MDGA2: variants seen among roughly 807,000 people sequenced by gnomAD.
MDGA2 encodes MAM domain-containing glycosylphosphatidylinositol anchor protein 2.
MDGA2 carries 40 observed loss-of-function variants against 117.8 expected under a neutral mutation model. That is an observed-to-expected ratio of 0.34 (90% CI 0.26 to 0.44). The LOEUF is 0.44. MDGA2 is among the 20% of genes least tolerant of loss of function. The pLI, the probability that MDGA2 is intolerant of heterozygous loss-of-function variation, is 1.00. For synonymous variants in MDGA2, 452 were observed against 439.0 expected (o/e 1.03, Z -0.37); for missense variants, 1,123 against 1,250.6 (o/e 0.90, Z 1.54).
In MDGA2 at chr14:46,962,669, T is replaced by C. The variant is rs144068996; in HGVS notation, c.1820-5026A>G. On this transcript the variant is annotated intron_variant, in intron 8 of 16. Transcript: ENST00000399232. ...TTGTTTACATTGGAGAGATTTTACA[T>C]AATATTTTGTCTATTACATGCCTAG... 3.9e-3 allele frequency among the ~76,000 whole-genome samples: 590 copies of C among 152,318 alleles called. 7 individuals are homozygous for C. Among genetic ancestry groups the C allele is most frequent in the African/African-American group, 0.014 (577 of 41,554 alleles).
intron 8 of MDGA2, among the ~76,000 whole-genome samples, chr14:47,005,583 G>C (rs1887681195): frequency 6.6e-6 from 1 of 151,326 alleles, no homozygotes; most frequent in African/African-American, 2.4e-5. Context: ...TTACATTCTT[G>C]TATGGTTATT....
chr14:47,432,278 TA>T (rs1348045045), intron 1 of MDGA2, among the ~76,000 whole-genome samples: 1 of 152,118 alleles, frequency 6.6e-6, no homozygotes, highest in Non-Finnish European at 1.5e-5. Context: ...ATTACTGAAT[TA>T]ATGTCCACTT....
chr14:47,415,035 T>C (rs1272683418), intron 1 of MDGA2, among the ~76,000 whole-genome samples: 2 of 152,156 alleles, frequency 1.3e-5, no homozygotes, highest in African/African-American at 2.4e-5. Flanking sequence ...GGTTGTTTAG[T>C]TCACCCATTT....
intron 8 of MDGA2, among the ~76,000 whole-genome samples, chr14:46,958,645 A>G (rs1885658560): frequency 6.6e-6 from 1 of 152,220 alleles, no homozygotes; most frequent in Non-Finnish European, 1.5e-5. Flanking sequence ...AGTCATGAAG[A>G]CAGTGAGGAA....
intron 8 of MDGA2, among the ~76,000 whole-genome samples, chr14:46,984,312 T>C (rs1194951318): frequency 6.6e-6 from 1 of 152,212 alleles, no homozygotes; most frequent in Admixed American, 6.5e-5. Flanking sequence ...GTCATACAAA[T>C]ACGGAAGCAT....
intron 5 of MDGA2, among the ~76,000 whole-genome samples, chr14:47,113,464 G>A (rs1268479948): frequency 1.3e-5 from 2 of 152,206 alleles, no homozygotes; most frequent in Non-Finnish European, 2.9e-5. Flanking sequence ...AATAAAAAAA[G>A]GAAACTGCAG....
At chr14:46,868,371 G>GAATATTT (rs1881861839) in intron 14 of MDGA2, among the ~76,000 whole-genome samples, 1 of 151,738 alleles carries the variant, frequency 6.6e-6, no homozygotes, top group Non-Finnish European at 1.5e-5. Flanking sequence ...TTACATGCAG[G>GAATATTT]GCAGGGTGTC....
At chr14:47,201,149 T>C (rs1298276447) in intron 3 of MDGA2, 1 of 702,064 alleles carries the variant, frequency 1.4e-6, no homozygotes, top group African/African-American at 1.7e-5. Context: ...TTTTATTGCA[T>C]TAGCTGCTAG....
rs183750296 is a variant in MDGA2 at position 47,030,012 on chromosome 14, G to C, written c.1819+4999C>G. ...CCAGCTAATTTTTGTATTTTTAATA[G>C]AGTTGGGGTTTCACCATGTTGGCCA... On this transcript the variant is annotated intron_variant, in intron 8 of 16. Transcript: ENST00000399232. 4.8e-3 allele frequency among the ~76,000 whole-genome samples: 726 copies of C among 151,854 alleles called. 4 individuals are homozygous for C. The highest frequency in any genetic ancestry group is 0.016 in the African/African-American group (678 of 41,460).
At chr14:47,394,406 T>G (rs986047146) in intron 1 of MDGA2, among the ~76,000 whole-genome samples, 9 of 152,104 alleles carry the variant, frequency 5.9e-5, no homozygotes, top group African/African-American at 2.2e-4. Context: ...ACTCCCAATA[T>G]TTACCATTAA....
intron 1 of MDGA2, among the ~76,000 whole-genome samples, chr14:47,627,845 T>C (rs1328450103): frequency 6.6e-6 from 1 of 152,070 alleles, no homozygotes; most frequent in Non-Finnish European, 1.5e-5. Context: ...ACTGTGAAGG[T>C]CTGCAGTTTC....
chr14:47,504,472 C>T (rs973577298), intron 1 of MDGA2, among the ~76,000 whole-genome samples: 5 of 151,920 alleles, frequency 3.3e-5, no homozygotes, highest in South Asian at 2.1e-4. Context: ...AGAGGGAGTA[C>T]AAAAATGATG....
intron 1 of MDGA2, among the ~76,000 whole-genome samples, chr14:47,601,223 T>C (rs1431485491): frequency 6.6e-6 from 1 of 152,068 alleles, no homozygotes; most frequent in Non-Finnish European, 1.5e-5. Flanking sequence ...ACAGGAGGCA[T>C]GAAGAAAGTA....
chr14:47,604,487 A>ACCCCCCCCCCCCCCCCCC (rs60602833), intron 1 of MDGA2, among the ~76,000 whole-genome samples: 18 of 92,046 alleles, frequency 2.0e-4, no homozygotes, highest in Non-Finnish European at 2.6e-4. Context: ...CAGCTTCCCC[A>ACCCCCCCCCCCCCCCCCC]CCCCCCCCCA....
At chr14:47,299,183 TA>T (rs1252033615) in intron 2 of MDGA2, among the ~76,000 whole-genome samples, 1 of 152,316 alleles carries the variant, frequency 6.6e-6, no homozygotes, top group East Asian at 1.9e-4. Context: ...TTTCAGAACC[TA>T]ATCTGGTTTG....
intron 9 of MDGA2, among the ~76,000 whole-genome samples, chr14:46,953,170 C>T (rs1885429725): frequency 6.6e-6 from 1 of 151,682 alleles, no homozygotes; most frequent in Admixed American, 6.6e-5. Context: ...GTACCTCACA[C>T]TTAGTAAGTA....
intron 1 of MDGA2, among the ~76,000 whole-genome samples, chr14:47,657,121 A>G (rs1897760449): frequency 6.6e-6 from 1 of 152,142 alleles, no homozygotes; most frequent in Non-Finnish European, 1.5e-5. Flanking sequence ...CCAGATGTCA[A>G]GTCATCCTCC....
intron 1 of MDGA2, among the ~76,000 whole-genome samples, chr14:47,400,405 TTCTC>T (rs1432663780): frequency 6.6e-6 from 1 of 152,156 alleles, no homozygotes; most frequent in African/African-American, 2.4e-5. Context: ...ATTTTGACTG[TTCTC>T]TCTATCCCCT....
At chr14:47,088,061 T>A (rs1225570946) in intron 6 of MDGA2, among the ~76,000 whole-genome samples, 1 of 152,034 alleles carries the variant, frequency 6.6e-6, no homozygotes, top group Non-Finnish European at 1.5e-5. Context: ...TATCATTACA[T>A]AAAATTAGGA....
Sources: allele counts gnomAD v4.1 joint callset (sites outside exome capture counted in the v4.1 genomes callset), GRCh38; gene constraint gnomAD v4.1.1; transcripts MANE v1.5; gene names NCBI Gene and HGNC (gene_info 2026-07-23, HGNC 2026-07-21).